The following PABPC4L variants were observed in gnomAD, a reference collection of about 807,000 sequenced individuals.
PABPC4L encodes poly(A) binding protein cytoplasmic 4 like, also known as polyadenylate-binding protein 4-like.
For missense variants in PABPC4L, 452 were observed against 451.4 expected, an observed-to-expected ratio of 1.00 and a Z score of -0.01; for synonymous variants, 169 against 164.1, an observed-to-expected ratio of 1.03 and a Z score of -0.23.
chr4:134,124,626 G>A, the PABPC4L span, among the ~76,000 whole-genome samples: 19 of 152,152 alleles, frequency 1.2e-4, no homozygotes, highest in South Asian at 3.1e-3. Flanking sequence ...ATTCTTCCAG[G>A]AAAAGGAGAT....
At chr4:134,201,809 AT>A (rs985681742), upstream of PABPC4L, 6 of 152,144 alleles carry the variant, frequency 3.9e-5, no homozygotes, top group Non-Finnish European at 7.3e-5. Flanking sequence ...TCTTTTTAAT[AT>A]TTTTTTTAAG....
At chr4:134,161,155 G>A in the PABPC4L span, among the ~76,000 whole-genome samples, 3 of 151,790 alleles carry the variant, frequency 2.0e-5, no homozygotes, top group Non-Finnish European at 1.5e-5. Flanking sequence ...CCTTAAAAAT[G>A]CATCAGAGTT....
At chr4:134,008,117 T>C in the PABPC4L span, among the ~76,000 whole-genome samples, 2 of 151,918 alleles carry the variant, frequency 1.3e-5, no homozygotes, top group East Asian at 3.9e-4. Flanking sequence ...ACAGCTTTCA[T>C]GAACTTGATG....
At chr4:134,040,205 GAA>G in the PABPC4L span, among the ~76,000 whole-genome samples, 594 of 113,432 alleles carry the variant, frequency 5.2e-3, no homozygotes, top group Middle Eastern at 0.03. Flanking sequence ...CACAGAATTG[GAA>G]AAAAAAAAAA....
At chr4:133,997,065 A>T in the PABPC4L span, among the ~76,000 whole-genome samples, 2 of 152,176 alleles carry the variant, frequency 1.3e-5, no homozygotes, top group Admixed American at 1.3e-4. Context: ...CTTTCCAAGC[A>T]TCTTTCCTAT....
chr4:134,053,289 T>C, the PABPC4L span, among the ~76,000 whole-genome samples: 34 of 152,274 alleles, frequency 2.2e-4, 2 homozygotes, highest in South Asian at 5.2e-3. Flanking sequence ...TGCAAGCTAT[T>C]GATTTGATTA....
the PABPC4L span, among the ~76,000 whole-genome samples, chr4:134,160,465 C>T: frequency 1.3e-5 from 2 of 152,156 alleles, no homozygotes; most frequent in Admixed American, 6.6e-5. Context: ...AGTCAGAACA[C>T]TCAAGCTCCT....
At chr4:134,080,073 A>G in the PABPC4L span, among the ~76,000 whole-genome samples, 1 of 152,060 alleles carries the variant, frequency 6.6e-6, no homozygotes, top group African/African-American at 2.4e-5. Flanking sequence ...CCTACTGAAT[A>G]TTGCTGGAAA....
the PABPC4L span, among the ~76,000 whole-genome samples, chr4:134,124,073 G>T: frequency 6.6e-6 from 1 of 152,066 alleles, no homozygotes; most frequent in African/African-American, 2.4e-5. Context: ...GAAATCAGGG[G>T]TAATTCTATG....
the PABPC4L span, among the ~76,000 whole-genome samples, chr4:134,099,142 A>G: frequency 6.6e-6 from 1 of 151,752 alleles, no homozygotes; most frequent in Non-Finnish European, 1.5e-5. Context: ...AGTTAATAAG[A>G]GTAGTTTCCT....
chr4:134,113,901 T>G, the PABPC4L span, among the ~76,000 whole-genome samples: 783 of 151,556 alleles, frequency 5.2e-3, 4 homozygotes, highest in African/African-American at 0.016. Context: ...GGTGGCATAA[T>G]GGAAAAAGGA....
the PABPC4L span, among the ~76,000 whole-genome samples, chr4:134,016,089 G>C: frequency 6.6e-6 from 1 of 151,936 alleles, no homozygotes; most frequent in Non-Finnish European, 1.5e-5. Flanking sequence ...TCCTCACCCT[G>C]AACACACTTG....
the PABPC4L span, among the ~76,000 whole-genome samples, chr4:134,053,729 TCAAATAAA>T: frequency 2.0e-5 from 3 of 152,160 alleles, no homozygotes; most frequent in South Asian, 4.1e-4. Flanking sequence ...TGGTAAAACT[TCAAATAAA>T]AGAGAATAGA....
At chr4:134,088,845 T>G in the PABPC4L span, among the ~76,000 whole-genome samples, 1 of 152,140 alleles carries the variant, frequency 6.6e-6, no homozygotes, top group Admixed American at 6.6e-5. Context: ...GATCATTATA[T>G]TCATTATGTC....
the PABPC4L span, among the ~76,000 whole-genome samples, chr4:134,070,227 G>T: frequency 1.3e-5 from 2 of 151,976 alleles, no homozygotes; most frequent in African/African-American, 4.8e-5. Flanking sequence ...ACTGACCACA[G>T]CACTCTGATG....
At chr4:134,150,174 C>T in the PABPC4L span, among the ~76,000 whole-genome samples, 1 of 151,654 alleles carries the variant, frequency 6.6e-6, no homozygotes, top group Non-Finnish European at 1.5e-5. Context: ...CCTCCGCCTC[C>T]CGGGTTCAAG....
chr4:133,952,290 CAA>C, the PABPC4L span, among the ~76,000 whole-genome samples: 1 of 152,108 alleles, frequency 6.6e-6, no homozygotes, highest in African/African-American at 2.4e-5. Context: ...TATTCAAAGG[CAA>C]AGAGTGTCCT....
At chr4:133,980,341 A>C in the PABPC4L span, among the ~76,000 whole-genome samples, 1 of 152,160 alleles carries the variant, frequency 6.6e-6, no homozygotes, top group Admixed American at 6.6e-5. Context: ...TATAGGGTAA[A>C]TTGGCTTCAA....
chr4:134,134,447 T>C, the PABPC4L span, among the ~76,000 whole-genome samples: 1 of 152,020 alleles, frequency 6.6e-6, no homozygotes, highest in South Asian at 2.1e-4. Flanking sequence ...TAGTTTTAGA[T>C]GTGTTCAGAT....
Sources: gnomAD v4.1 joint callset for allele counts (sites outside exome capture counted in the v4.1 genomes callset) on GRCh38, gnomAD v4.1.1 for gene constraint, MANE v1.5 for transcripts, NCBI Gene and HGNC (gene_info 2026-07-23, HGNC 2026-07-21) for gene names.